The following TIAM1 variants were observed in gnomAD, a reference collection of about 807,000 sequenced individuals.
The protein encoded by TIAM1 is rho guanine nucleotide exchange factor TIAM1.
Under a neutral mutation model 163.5 loss-of-function variants are expected in TIAM1, and 65 were observed. That is an observed-to-expected ratio of 0.40 (90% CI 0.33 to 0.49). TIAM1 has a LOEUF of 0.49. Among genes scored for constraint, TIAM1 ranks in the 20% least tolerant of loss-of-function variants. TIAM1 has a pLI of 0.77. For missense variants in TIAM1, 1,789 were observed against 2,044.7 expected (o/e 0.87, Z 2.41); for synonymous variants, 833 against 810.1 (o/e 1.03, Z -0.48).
chr21:31,150,999 G>A (rs566639877), intron 19 of TIAM1, among the ~76,000 whole-genome samples: 8 of 152,154 alleles, frequency 5.3e-5, no homozygotes, highest in Non-Finnish European at 7.3e-5. Context: ...GCTCATCATC[G>A]TAAGTCATTA....
chr21:31,505,405 G>C (rs1021659725), intron 1 of TIAM1, among the ~76,000 whole-genome samples: 7 of 152,022 alleles, frequency 4.6e-5, no homozygotes, highest in Non-Finnish European at 8.8e-5. Context: ...CTGGAAACTG[G>C]ATAAACAAAG....
intron 2 of TIAM1, among the ~76,000 whole-genome samples, chr21:31,362,478 T>TATA (rs1555955967): frequency 3.2e-4 from 46 of 142,802 alleles, no homozygotes; most frequent in African/African-American, 1.2e-3. Flanking sequence ...TTATTATTAT[T>TATA]ATATTTGAGA....
chr21:31,231,905 C>T (rs2088460668), intron 6 of TIAM1, among the ~76,000 whole-genome samples: 1 of 151,722 alleles, frequency 6.6e-6, no homozygotes, highest in African/African-American at 2.4e-5. Flanking sequence ...CCTAGCTACT[C>T]GGGAGGCTGA....
intron 1 of TIAM1, among the ~76,000 whole-genome samples, chr21:31,479,855 G>T (rs1019000573): frequency 6.6e-6 from 1 of 152,098 alleles, no homozygotes; most frequent in Non-Finnish European, 1.5e-5. Context: ...TTCCCTGCCT[G>T]TTTTCCCTCT....
rs2072750005 is a variant in TIAM1 at position 31,266,185 on chromosome 21, T to C, written c.788A>G (p.Asp263Gly). 3 of 1,614,172 alleles carry C rather than the reference T, an allele frequency of 1.9e-6. No homozygotes were observed. The highest frequency in any genetic ancestry group is 2.5e-6 in the Non-Finnish European group (3 of 1,180,042). ...CTTATGGTTTGCAAGATTGGGAATATCAGACACCAAATTCCGACAGTAGCC... is the reference window on the plus strand; with the variant it reads ...CTTATGGTTTGCAAGATTGGGAATACCAGACACCAAATTCCGACAGTAGCC... ...FAGYCRNLVS[D>G]IPNLANHKMP... is the part of the protein sequence containing the mutation. Residue 263 changes from aspartate to glycine, a missense_variant, in exon 4 of 28, where the codon GAT (aspartate) becomes GGT (glycine). Asp to Gly is a moderately conservative substitution (Grantham distance 94). Coordinates refer to ENST00000541036, the MANE Select transcript of TIAM1 (RefSeq NM_001353694.2).
chr21:31,359,972 C>T (rs1172529632), intron 2 of TIAM1, among the ~76,000 whole-genome samples: 8 of 151,802 alleles, frequency 5.3e-5, no homozygotes, highest in Non-Finnish European at 4.4e-5. Flanking sequence ...AGATACCAAC[C>T]CATAGATTCA....
chr21:31,280,972 C>T (rs749968699), intron 2 of TIAM1, among the ~76,000 whole-genome samples: 3 of 149,548 alleles, frequency 2.0e-5, no homozygotes, highest in African/African-American at 4.9e-5. Flanking sequence ...AAAAAATTAG[C>T]TGGGTGTGGT....
chr21:31,345,098 T>C (rs973467865), upstream of TIAM1, among the ~76,000 whole-genome samples: 1 of 152,144 alleles, frequency 6.6e-6, no homozygotes, highest in Non-Finnish European at 1.5e-5. Flanking sequence ...CTCAGGTGGC[T>C]GGTTAAAGAG....
chr21:31,160,736 C>T (rs549876797), intron 16 of TIAM1: 69 of 377,422 alleles, frequency 1.8e-4, no homozygotes, highest in Admixed American at 2.7e-4. Flanking sequence ...GGTGAGACCC[C>T]GGAGCTGCAC....
In TIAM1 at chr21:31,393,052, C is replaced by T. The variant is rs563721047; in HGVS notation, c.-368-53630G>A. 5.9e-5 allele frequency among the ~76,000 whole-genome samples: 9 copies of T among 151,646 alleles called. No individual in the cohort carries two copies. In the East Asian group the frequency reaches 1.8e-3, roughly 30 times the overall value. ...CTCACAGCAACTTCCCCCTCCTGGG[C>T]GCAAGCAATTCTCATGCCTCAGCCT... is the stretch of plus-strand genomic sequence containing the variant. On this transcript the variant is annotated intron_variant, in intron 2 of 28. Transcript: ENST00000286827.
intron 20 of TIAM1, among the ~76,000 whole-genome samples, chr21:31,142,755 T>C (rs2082915693): frequency 6.6e-6 from 1 of 152,064 alleles, no homozygotes; most frequent in Non-Finnish European, 1.5e-5. Flanking sequence ...CACGGTGATC[T>C]ACTCAAAGTT....
intron 2 of TIAM1, among the ~76,000 whole-genome samples, chr21:31,394,285 G>A (rs574464447): frequency 6.6e-6 from 1 of 152,282 alleles, no homozygotes; most frequent in South Asian, 2.1e-4. Context: ...CCAACTACAC[G>A]ACATCCTGGA....
In TIAM1 at chr21:31,507,495, GTAAAAGGGACCATGTCTGGTCCCTTT is replaced by G. The variant is rs2047073229; in HGVS notation, c.-421-43486_-421-43461del. Among the ~76,000 whole-genome samples, 4 of 151,944 alleles carry G rather than the reference GTAAAAGGGACCATGTCTGGTCCCTTT, an allele frequency of 2.6e-5. No individual in the cohort carries two copies. In the South Asian group the frequency reaches 8.3e-4, roughly 32 times the overall value. ...GTGCTGGGATTACAGGTGTGAGCCT[GTAAAAGGGACCATGTCTGGTCCCTTT>G]TAAAATTATATCACACTTCTCCATA... On this transcript the variant is annotated intron_variant, in intron 1 of 28. Coordinates refer to the TIAM1 transcript ENST00000286827.
chr21:31,287,450 G>A (rs1306560695), intron 2 of TIAM1, among the ~76,000 whole-genome samples: 1 of 152,110 alleles, frequency 6.6e-6, no homozygotes, highest in Non-Finnish European at 1.5e-5. Context: ...ACTCAGACAG[G>A]GCTGTAACAG....
chr21:31,120,413 C>G lies in TIAM1; in HGVS notation c.4731G>C (p.Arg1577Ser), dbSNP rs1331218506. 2.5e-6 allele frequency: 4 copies of G among 1,613,790 alleles called. No individual in the cohort carries two copies. The highest frequency in any genetic ancestry group is 1.3e-5 in the African/African-American group (1 of 74,932). The change falls in exon 28 of 28, where the codon AGG becomes AGC. Residue 1577 changes from arginine to serine, a missense_variant. Arg to Ser is a moderately radical substitution (Grantham distance 110, BLOSUM62 -1). Around this residue, in one of 5 missense-constraint regions of TIAM1, gnomAD observed 415 missense variants for 439.2 expected, o/e 0.94. Coordinates refer to ENST00000541036, the MANE Select transcript of TIAM1 (RefSeq NM_001353694.2). This position sits in a 1 kb window ranked among gnomAD's most constrained non-coding sequence, Gnocchi z 4.2. ...TCCTGGAGGGGGCAAAGTCTTCACG[C>G]CTAACCCAAATGACTTCCTCGCTTG... ...ESASEEVIWV[R>S]REDFAPSRKL...
At chr21:31,245,382 A>T in intron 6 of TIAM1, 106 bp downstream of exon 6, 2 of 804,138 alleles carry the variant, frequency 2.5e-6, no homozygotes, top group South Asian at 5.8e-5. Flanking sequence ...TAAAAAAAAA[A>T]AAAAAAAAAA....
chr21:31,185,546 A>G (rs1044867624), intron 14 of TIAM1, among the ~76,000 whole-genome samples: 3 of 130,028 alleles, frequency 2.3e-5, no homozygotes, highest in Admixed American at 7.8e-5. Context: ...ATGCCATTAT[A>G]TATTATATAT....
intron 23 of TIAM1, among the ~76,000 whole-genome samples, chr21:31,132,278 G>A (rs1304740812): frequency 6.6e-6 from 1 of 152,142 alleles, no homozygotes; most frequent in African/African-American, 2.4e-5. Context: ...CTCCACTGCA[G>A]GGAAATAAGC....
chr21:31,391,302 G>T (rs1284965372), intron 2 of TIAM1, among the ~76,000 whole-genome samples: 5 of 152,060 alleles, frequency 3.3e-5, no homozygotes, highest in Non-Finnish European at 7.4e-5. Flanking sequence ...TCTGACAATT[G>T]TAACTCTGAA....
Sources: allele counts gnomAD v4.1 joint callset (sites outside exome capture counted in the v4.1 genomes callset), GRCh38; gene constraint gnomAD v4.1.1; regional missense constraint gnomAD v4.1.1; non-coding constraint Gnocchi (gnomAD v3.1); transcripts MANE v1.5; gene names NCBI Gene and HGNC (gene_info 2026-07-23, HGNC 2026-07-21).